ADPGK: variants seen among roughly 807,000 people sequenced by gnomAD.
The protein encoded by ADPGK is ADP-dependent glucokinase.
In ADPGK, 26 loss-of-function variants were observed where a neutral mutation model predicts 42.4. The ratio of observed to expected loss-of-function variants is 0.61; its 90% CI spans 0.45 to 0.85. The LOEUF is 0.85. ADPGK is among the 40% of genes least tolerant of loss of function. The pLI, the probability that ADPGK is intolerant of heterozygous loss-of-function variation, is 0.00. For missense variants in ADPGK, 571 were observed against 627.0 expected, an observed-to-expected ratio of 0.91 and a Z score of 0.95; for synonymous variants, 267 against 252.6, an observed-to-expected ratio of 1.06 and a Z score of -0.54.
chr15:72,752,471 C>T lies in ADPGK; in HGVS notation c.1364G>A (p.Trp455Ter). The change falls in exon 7 of 7, where the codon TGG becomes TAG. Residue 455 changes from tryptophan to a stop codon, truncating the protein, a stop_gained. Transcript: ENST00000456471. LOFTEE classifies it high-confidence loss of function. The part of the protein sequence containing the change: ...VLNPNKPVVE[W>*]HREGISFHFT... Reference sequence around the variant, plus strand: ...GTGGAAGGATATTCCCTCTCTGTGCCATTCTACTACTGGCTTGTTTGGGTT... The same window carrying T: ...GTGGAAGGATATTCCCTCTCTGTGCTATTCTACTACTGGCTTGTTTGGGTT... 1 of 1,614,194 alleles carries T rather than the reference C, an allele frequency of 6.2e-7. No homozygotes were observed. Among genetic ancestry groups the T allele is most frequent in the Non-Finnish European group, 8.5e-7 (1 of 1,180,032 alleles).
chr15:72,756,194 G>A (rs776163164), intron 5 of ADPGK, 57 bp downstream of exon 5: 45 of 1,599,296 alleles, frequency 2.8e-5, no homozygotes, highest in Non-Finnish European at 3.3e-5. Flanking sequence ...AAGAGAGGCT[G>A]GAACCTGAAG....
At chr15:72,754,963 A>G (rs944393181) in intron 6 of ADPGK, among the ~76,000 whole-genome samples, 64 of 152,242 alleles carry the variant, frequency 4.2e-4, no homozygotes, top group African/African-American at 1.5e-3. Flanking sequence ...ACTTCATTGT[A>G]TATCTTTTCA....
intron 2 of ADPGK, among the ~76,000 whole-genome samples, chr15:72,772,168 A>G (rs2066336744): frequency 6.6e-6 from 1 of 152,252 alleles, no homozygotes; most frequent in African/African-American, 2.4e-5. Flanking sequence ...TCTACATTAT[A>G]GTCCTTCTAA....
intron 3 of ADPGK, among the ~76,000 whole-genome samples, chr15:72,761,315 T>C (rs1033568811): frequency 1.3e-5 from 2 of 152,206 alleles, no homozygotes; most frequent in Non-Finnish European, 2.9e-5. Flanking sequence ...TGAGTTTTTA[T>C]ACAGTATAAA....
chr15:72,768,975 CA>C (rs35877343), intron 3 of ADPGK, among the ~76,000 whole-genome samples: 41 of 137,892 alleles, frequency 3.0e-4, no homozygotes, highest in Middle Eastern at 3.6e-3. Flanking sequence ...TCCTGTCTCT[CA>C]AAAAAAAAAA....
Position 72,783,655 on chromosome 15 carries a change from G to C in ADPGK, c.37C>G (p.Leu13Val), listed in dbSNP as rs776241352. Reference protein sequence around the residue: ...LWRGSAYAGFLALAVGCVFLL... With the variant: ...LWRGSAYAGFVALAVGCVFLL... ...AAGACGCAGCCCACGGCCAGCGCCA[G>C]GAAGCCCGCGTACGCGGAGCCGCGC... The change falls in exon 1 of 7, where the codon CTG (leucine) becomes GTG (valine). Residue 13 changes from leucine (L) to valine (V), a missense_variant. By Grantham distance (32) the Leu-to-Val change is conservative. Around this residue, in one of 2 missense-constraint regions of ADPGK, gnomAD observed 137 missense variants for 104.2 expected, o/e 1.31. Transcript: ENST00000456471. 3.0e-5 allele frequency: 45 copies of C among 1,508,232 alleles called. No individual in the cohort carries two copies. The highest frequency in any genetic ancestry group is 4.0e-5 in the Non-Finnish European group (45 of 1,135,978). The allele number at this position is 1,508,232 out of a possible 1,614,324, so 93.4% of individuals were successfully genotyped here.
intron 3 of ADPGK, among the ~76,000 whole-genome samples, chr15:72,761,586 G>T (rs1483549324): frequency 3.3e-5 from 5 of 151,914 alleles, no homozygotes; most frequent in Admixed American, 1.3e-4. Context: ...CCAATAAACC[G>T]CTGTTTTTGA....
chr15:72,783,252 G>A (rs1309780150), intron 1 of ADPGK: 1 of 1,241,164 alleles, frequency 8.1e-7, no homozygotes, highest in African/African-American at 1.6e-5. Flanking sequence ...CTACCGGGAT[G>A]AGAGAAAGGC....
chr15:72,758,353 T>C (rs1418482399), intron 4 of ADPGK: 1 of 610,302 alleles, frequency 1.6e-6, no homozygotes, highest in Non-Finnish European at 3.0e-6. Flanking sequence ...GCAAAACCTC[T>C]GCGTAGTGAC....
intron 3 of ADPGK, among the ~76,000 whole-genome samples, chr15:72,764,091 G>A (rs1018267552): frequency 6.6e-6 from 1 of 152,056 alleles, no homozygotes; most frequent in Non-Finnish European, 1.5e-5. Flanking sequence ...ACCCTACAAT[G>A]GCCTCTATGT....
rs772097038 is a variant in ADPGK at position 72,783,512 on chromosome 15, G to C, written c.180C>G (p.Ala60=). 8.8e-6 allele frequency: 13 copies of C among 1,472,996 alleles called. No individual in the cohort carries two copies. Among genetic ancestry groups the C allele is most frequent in the Middle Eastern group, 4.7e-4 (2 of 4,224 alleles). 91.2% of individuals were successfully genotyped at this position (1,472,996 alleles called of 1,614,324 possible). The change falls in exon 1 of 7, where the codon GCC becomes GCG. Residue 60 remains alanine, a synonymous_variant. Coordinates refer to ENST00000456471, the MANE Select transcript of ADPGK (RefSeq NM_001365225.1). ...CTGGCCGCACGATAAGCGCGTCCCAGGCTGCCGCCAACCGGCCCTCGGGGG... is the reference window on the plus strand; with the variant it reads ...CTGGCCGCACGATAAGCGCGTCCCACGCTGCCGCCAACCGGCCCTCGGGGG... The part of the protein sequence containing the change: ...PVSPEGRLAA[A]WDALIVRPVR...
At position 72,776,433 on chromosome 15, in the gene ADPGK, T is replaced by C. The variant is rs573848592; in HGVS notation, c.234-1336A>G. 4.6e-5 allele frequency among the ~76,000 whole-genome samples: 7 copies of C among 152,160 alleles called. No individual in the cohort carries two copies. The South Asian group carries it at 1.5e-3, about 32-fold the overall frequency. ...TGATACGGGTGACTGGGCTTCAGAGTTAATTCTGAGCAGCTCTGAAACCAC... is the reference window on the plus strand; with the variant it reads ...TGATACGGGTGACTGGGCTTCAGAGCTAATTCTGAGCAGCTCTGAAACCAC... On this transcript the variant is annotated intron_variant, in intron 1 of 6. Coordinates refer to ENST00000456471, the MANE Select transcript of ADPGK (RefSeq NM_001365225.1).
intron 1 of ADPGK, among the ~76,000 whole-genome samples, chr15:72,777,924 G>T (rs1409408504): frequency 1.3e-5 from 2 of 151,944 alleles, no homozygotes; most frequent in Non-Finnish European, 2.9e-5. Context: ...TTTCAGACTG[G>T]TTCACAGTTT....
intron 3 of ADPGK, among the ~76,000 whole-genome samples, chr15:72,764,910 CTATA>C (rs950888615): frequency 6.7e-6 from 1 of 150,054 alleles, no homozygotes; most frequent in Admixed American, 6.7e-5. Flanking sequence ...TGCCTGTGTT[CTATA>C]TATATAACAA....
intron 3 of ADPGK, among the ~76,000 whole-genome samples, chr15:72,764,746 C>CTAGAGA (rs1216134984): frequency 6.6e-6 from 1 of 152,164 alleles, no homozygotes; most frequent in African/African-American, 2.4e-5. Flanking sequence ...ACTTTCAGAG[C>CTAGAGA]TAGAGAGTAG....
Position 72,774,889 on chromosome 15 carries a change from C to G in ADPGK, c.442G>C (p.Glu148Gln). ...TFHDIAQVAS[E>Q]FPGAQHYVGG... ...AAACAGACCTGGGCTCCTGGGAACT[C>G]TGATGCAACCTGGGCAATGTCGTGA... The change falls in exon 2 of 7, where the codon GAG (glutamate) becomes CAG (glutamine). Residue 148 changes from glutamate (E) to glutamine (Q), a missense_variant. Around this residue, in one of 2 missense-constraint regions of ADPGK, gnomAD observed 434 missense variants for 522.7 expected, o/e 0.83. Transcript: ENST00000456471. 6.2e-7 allele frequency: 1 copy of G among 1,612,688 alleles called. No homozygotes were observed. The highest frequency in any genetic ancestry group is 8.5e-7 in the Non-Finnish European group (1 of 1,178,728).
intron 2 of ADPGK, 74 bp downstream of exon 2, chr15:72,774,798 T>G (rs2066370192): frequency 7.2e-7 from 1 of 1,381,646 alleles, no homozygotes; most frequent in African/African-American, 1.4e-5. Flanking sequence ...AAAAGTTGCT[T>G]GCTTGCTTCT....
At chr15:72,779,920 A>G (rs1395755231) in intron 1 of ADPGK, among the ~76,000 whole-genome samples, 2 of 152,186 alleles carry the variant, frequency 1.3e-5, no homozygotes, top group East Asian at 3.8e-4. Flanking sequence ...CTGAAATCCA[A>G]TTTATCTTCT....
At chr15:72,760,805 T>A (rs1392267871) in intron 3 of ADPGK, among the ~76,000 whole-genome samples, 1 of 152,138 alleles carries the variant, frequency 6.6e-6, no homozygotes, top group African/African-American at 2.4e-5. Context: ...AGCTGCTACA[T>A]CTCATTCCCT....
Sources: gnomAD v4.1 joint callset for allele counts (sites outside exome capture counted in the v4.1 genomes callset) on GRCh38, gnomAD v4.1.1 for gene constraint, gnomAD v4.1.1 regional missense constraint, MANE v1.5 for transcripts, NCBI Gene and HGNC (gene_info 2026-07-23, HGNC 2026-07-21) for gene names.